SORBS2: variants seen among roughly 807,000 people sequenced by gnomAD.
SORBS2 encodes sorbin and SH3 domain containing 2.
SORBS2 carries 46 observed loss-of-function variants against 97.7 expected under a neutral mutation model. The observed-to-expected ratio is 0.47, with a 90% CI of 0.37 to 0.60. The LOEUF (loss-of-function observed/expected upper bound fraction) is 0.60. SORBS2 is among the 20% of genes least tolerant of loss of function. The pLI, the probability that SORBS2 is intolerant of heterozygous loss-of-function variation, is 0.00. For synonymous variants in SORBS2, 476 were observed against 473.4 expected (o/e 1.01, Z -0.07); for missense variants, 1,316 against 1,282.3 (o/e 1.03, Z -0.40).
chr4:185,846,738 T>C (rs1250069229), intron 1 of SORBS2, among the ~76,000 whole-genome samples: 1 of 152,166 alleles, frequency 6.6e-6, no homozygotes, highest in Non-Finnish European at 1.5e-5. Flanking sequence ...TTCTGCTGAG[T>C]GCTCCATTAA....
At chr4:185,628,160 T>TAG (rs2096848796) in intron 5 of SORBS2, among the ~76,000 whole-genome samples, 6 of 152,226 alleles carry the variant, frequency 3.9e-5, no homozygotes, top group Admixed American at 3.9e-4. Context: ...TGCTGGTTTT[T>TAG]GTGTGAACCT....
Position 185,724,331 on chromosome 4 carries a change from TAA to T in SORBS2, c.-197-45511_-197-45510del, listed in dbSNP as rs55986616. Among the ~76,000 whole-genome samples, 934 of 147,020 alleles carry T rather than the reference TAA, an allele frequency of 6.4e-3. 12 individuals are homozygous for T. The highest frequency in any genetic ancestry group is 0.033 in the Admixed American group (493 of 14,768). On this transcript the variant is annotated intron_variant, in intron 2 of 20. Coordinates refer to the SORBS2 transcript ENST00000284776. The stretch of plus-strand genomic sequence containing the variant: ...TGGGATATTCCACTGCCCAGAGAGT[TAA>T]AAAAAAAAAAAGACAAAAGGATGAG...
At chr4:185,805,595 C>T (rs1293978844) in intron 1 of SORBS2, among the ~76,000 whole-genome samples, 2 of 152,180 alleles carry the variant, frequency 1.3e-5, no homozygotes, top group Non-Finnish European at 2.9e-5. Context: ...CCTGACCTCC[C>T]TTTGCGTAAA....
In SORBS2 at chr4:185,632,749, T is replaced by C. The variant is rs1327040791; in HGVS notation, c.397-2151A>G. 2.0e-5 allele frequency among the ~76,000 whole-genome samples: 3 copies of C among 152,316 alleles called. No homozygotes were observed. In the East Asian group the frequency reaches 5.8e-4, roughly 29 times the overall value. ...ATAATGAGCCTAAACAATATTGTAA[T>C]GTGAAATAAAACATAGTGTAAGAAC... On this transcript the variant is annotated intron_variant, in intron 4 of 14. Coordinates refer to ENST00000418609, the Ensembl canonical transcript of SORBS2.
At chr4:185,885,293 C>T (rs12502204) in intron 1 of SORBS2, among the ~76,000 whole-genome samples, 42,133 of 152,170 alleles carry the variant, frequency 0.28, 6,079 homozygotes, top group East Asian at 0.54. Flanking sequence ...TGTGCTTTCA[C>T]ATTTCTGCCC....
rs2097770944 is a variant in SORBS2 at position 185,674,956 on chromosome 4, G to A, written c.-46+3467C>T. 2.0e-5 allele frequency: 3 copies of A among 152,174 alleles called. No individual in the cohort carries two copies. In the South Asian group the frequency reaches 6.2e-4, roughly 32 times the overall value. 9.4% of individuals were successfully genotyped at this position (152,174 alleles called of 1,614,324 possible). ...TTTACTCCAGTTCTTATTAATGCTTGCTCCTCCTGCCACACACAGACAAAT... is the reference window on the plus strand; with the variant it reads ...TTTACTCCAGTTCTTATTAATGCTTACTCCTCCTGCCACACACAGACAAAT... On this transcript the variant is annotated intron_variant, in intron 4 of 20. Coordinates refer to the SORBS2 transcript ENST00000284776.
At chr4:185,925,634 A>G (rs1332658417) in intron 1 of SORBS2, among the ~76,000 whole-genome samples, 1 of 152,178 alleles carries the variant, frequency 6.6e-6, no homozygotes, top group Non-Finnish European at 1.5e-5. Flanking sequence ...TAAATGTCAG[A>G]CATTATTTAC....
chr4:185,837,428 G>T (rs2099208692), intron 1 of SORBS2, among the ~76,000 whole-genome samples: 2 of 152,174 alleles, frequency 1.3e-5, no homozygotes. Context: ...GCTTTAAAAT[G>T]CTTGTATTTA....
chr4:185,589,841 A>G, intron 13 of SORBS2, 56 bp from the exon 26 acceptor site: 2 of 940,330 alleles, frequency 2.1e-6, no homozygotes, highest in South Asian at 1.3e-5. Context: ...CATGAAATAT[A>G]GAAGATAGAA....
At chr4:185,875,707 T>G (rs571070127) in intron 1 of SORBS2, among the ~76,000 whole-genome samples, 1 of 152,364 alleles carries the variant, frequency 6.6e-6, no homozygotes, top group Non-Finnish European at 1.5e-5. Flanking sequence ...CCCTGGAAAG[T>G]GCTTTGCATA....
intron 12 of SORBS2, among the ~76,000 whole-genome samples, chr4:185,604,405 C>T (rs1252768443): frequency 6.6e-6 from 1 of 151,974 alleles, no homozygotes; most frequent in Non-Finnish European, 1.5e-5. Context: ...AGGAGGTGAG[C>T]AGGGCTGAGA....
intron 1 of SORBS2, among the ~76,000 whole-genome samples, chr4:185,834,040 G>A (rs899134223): frequency 2.0e-5 from 3 of 152,154 alleles, no homozygotes; most frequent in Non-Finnish European, 2.9e-5. Context: ...ATATCCAGAT[G>A]ATAAAATAAT....
chr4:185,767,518 A>AG (rs1407000355), intron 2 of SORBS2, among the ~76,000 whole-genome samples: 14 of 79,188 alleles, frequency 1.8e-4, no homozygotes, highest in South Asian at 8.1e-4. Context: ...AAAAAAAAAA[A>AG]AGAGAAAGAA....
At chr4:185,605,147 T>A (rs146328556) in intron 12 of SORBS2, among the ~76,000 whole-genome samples, 1 of 152,246 alleles carries the variant, frequency 6.6e-6, no homozygotes, top group Admixed American at 6.5e-5. Context: ...CGGGTTATTT[T>A]GAAATACAGG....
chr4:185,949,155 T>C (rs1214153245), intron 1 of SORBS2, among the ~76,000 whole-genome samples: 1 of 152,138 alleles, frequency 6.6e-6, no homozygotes, highest in Non-Finnish European at 1.5e-5. Flanking sequence ...CATTGAGGAA[T>C]GCAGACTAAA....
chr4:185,954,047 T>C (rs979277594), intron 1 of SORBS2, among the ~76,000 whole-genome samples: 3 of 152,234 alleles, frequency 2.0e-5, no homozygotes, highest in African/African-American at 7.2e-5. Context: ...ACTTTATTTT[T>C]AAAGATTATA....
At chr4:185,626,869 G>A in exon 6 of SORBS2, 1 of 1,614,230 alleles carries the variant, frequency 6.2e-7, no homozygotes, top group South Asian at 1.1e-5. Context: ...AAGAGCTAGT[G>A]AAAGACTTTG....
At chr4:185,740,334 A>G (rs1441711611) in intron 2 of SORBS2, 3 of 152,398 alleles carry the variant, frequency 2.0e-5, no homozygotes, top group African/African-American at 4.8e-5. Flanking sequence ...CCCTGCTGGC[A>G]CGTAAACGGC....
intron 3 of SORBS2, among the ~76,000 whole-genome samples, chr4:185,647,831 A>T (rs961974595): frequency 6.6e-6 from 1 of 152,250 alleles, no homozygotes; most frequent in Non-Finnish European, 1.5e-5. Context: ...GATAATACAT[A>T]TGAAAGCCAT....
Sources: gnomAD v4.1 joint callset for allele counts (sites outside exome capture counted in the v4.1 genomes callset) on GRCh38, gnomAD v4.1.1 for gene constraint, MANE v1.5 for transcripts, NCBI Gene and HGNC (gene_info 2026-07-23, HGNC 2026-07-21) for gene names.